The following EDIL3 variants were observed in gnomAD, a reference collection of about 807,000 sequenced individuals.
EDIL3 encodes the protein EGF-like repeat and discoidin I-like domain-containing protein 3.
A neutral mutation model predicts 67.4 loss-of-function variants in EDIL3; 37 were observed. The ratio of observed to expected loss-of-function variants is 0.55; its 90% CI spans 0.42 to 0.72. The LOEUF (loss-of-function observed/expected upper bound fraction) is 0.72. Among genes scored for constraint, EDIL3 ranks in the 30% least tolerant of loss-of-function variants. EDIL3 has a pLI of 0.00. For synonymous variants in EDIL3, 195 were observed against 196.3 expected (o/e 0.99, Z 0.05); for missense variants, 527 against 586.3 (o/e 0.90, Z 1.04).
At chr5:84,044,115 T>C (rs1746179651) in intron 9 of EDIL3, among the ~76,000 whole-genome samples, 1 of 152,076 alleles carries the variant, frequency 6.6e-6, no homozygotes, top group South Asian at 2.1e-4. Flanking sequence ...TGTCCATGTG[T>C]TCTCATTGTT....
At chr5:84,175,363 A>G (rs1748884259) in intron 4 of EDIL3, among the ~76,000 whole-genome samples, 1 of 152,208 alleles carries the variant, frequency 6.6e-6, no homozygotes, top group African/African-American at 2.4e-5. Context: ...CTAAAAAATT[A>G]TAATTGTTTT....
At chr5:84,246,026 A>T (rs1744903891) in intron 2 of EDIL3, among the ~76,000 whole-genome samples, 1 of 152,190 alleles carries the variant, frequency 6.6e-6, no homozygotes. Context: ...GGATTTGTGT[A>T]ATCATGGCCA....
intron 9 of EDIL3, among the ~76,000 whole-genome samples, chr5:84,035,490 T>C (rs1746006205): frequency 6.6e-6 from 1 of 152,200 alleles, no homozygotes; most frequent in African/African-American, 2.4e-5. Flanking sequence ...GTTATGTGAA[T>C]ATTTCTTGAA....
intron 9 of EDIL3, among the ~76,000 whole-genome samples, chr5:84,019,108 C>A (rs151267425): frequency 1.3e-5 from 2 of 152,076 alleles, no homozygotes; most frequent in African/African-American, 2.4e-5. Flanking sequence ...ATGTTTATTG[C>A]GGCACTATTC....
chr5:84,384,293 G>A lies in EDIL3; in HGVS notation c.67+15C>T, dbSNP rs762698251. 1 of 1,605,336 alleles carries A rather than the reference G, an allele frequency of 6.2e-7. No homozygotes were observed. The highest frequency in any genetic ancestry group is 8.5e-7 in the Non-Finnish European group (1 of 1,175,904). Reference sequence around the variant, plus strand: ...GCCCATCCCTCACCCAGCTGTCCGGGTCCCGACGCCTTACCTTTGCCGAAC... The same window carrying A: ...GCCCATCCCTCACCCAGCTGTCCGGATCCCGACGCCTTACCTTTGCCGAAC... On this transcript the variant is annotated intron_variant, in intron 1 of 10. Transcript: ENST00000296591.
At chr5:84,195,299 A>G (rs1743683452) in intron 3 of EDIL3, among the ~76,000 whole-genome samples, 3 of 151,992 alleles carry the variant, frequency 2.0e-5, no homozygotes, top group South Asian at 4.1e-4. Flanking sequence ...GGAAGTTACT[A>G]TAAATATTAG....
At chr5:84,171,583 T>C (rs556676167) in intron 4 of EDIL3, among the ~76,000 whole-genome samples, 42 of 152,330 alleles carry the variant, frequency 2.8e-4, no homozygotes, top group Admixed American at 1.2e-3. Context: ...GGGTTCTTGT[T>C]ATAAGACAAT....
chr5:84,278,940 A>G (rs1745640662), intron 1 of EDIL3, among the ~76,000 whole-genome samples: 1 of 152,158 alleles, frequency 6.6e-6, no homozygotes, highest in Non-Finnish European at 1.5e-5. Context: ...TAGGAGCCAT[A>G]TCAATATTTT....
chr5:84,212,920 T>A (rs1278483111), intron 3 of EDIL3, among the ~76,000 whole-genome samples: 2 of 151,980 alleles, frequency 1.3e-5, no homozygotes, highest in Non-Finnish European at 2.9e-5. Flanking sequence ...AATTAATAGT[T>A]TTAACTCTTA....
intron 1 of EDIL3, among the ~76,000 whole-genome samples, chr5:84,324,157 T>C (rs916882711): frequency 1.3e-5 from 2 of 151,864 alleles, no homozygotes; most frequent in Non-Finnish European, 1.5e-5. Context: ...GGATAGACCA[T>C]ATGCTAAGAC....
intron 4 of EDIL3, among the ~76,000 whole-genome samples, chr5:84,158,500 A>C (rs528143987): frequency 6.6e-5 from 10 of 152,054 alleles, no homozygotes; most frequent in Admixed American, 5.9e-4. Flanking sequence ...AAGAGCATTC[A>C]GAACATCAGC....
intron 1 of EDIL3, among the ~76,000 whole-genome samples, chr5:84,345,360 C>A (rs563230477): frequency 1.5e-4 from 23 of 152,160 alleles, no homozygotes; most frequent in African/African-American, 5.5e-4. Flanking sequence ...ACTCATTACC[C>A]TTAAATTAGT....
chr5:84,218,158 C>A (rs951657663), intron 3 of EDIL3, among the ~76,000 whole-genome samples: 19 of 152,058 alleles, frequency 1.2e-4, no homozygotes, highest in African/African-American at 4.6e-4. Context: ...TTCCCCCAAG[C>A]TTAAAAATGT....
intron 9 of EDIL3, among the ~76,000 whole-genome samples, chr5:84,026,551 C>T (rs999048589): frequency 4.0e-5 from 6 of 151,882 alleles, no homozygotes; most frequent in African/African-American, 1.2e-4. Context: ...GTTCAATTTT[C>T]TTGGATTAAA....
intron 4 of EDIL3, among the ~76,000 whole-genome samples, chr5:84,176,181 AATATATATATATATATAATAT>A (rs1345276164): frequency 2.3e-5 from 2 of 86,466 alleles, no homozygotes; most frequent in Non-Finnish European, 4.1e-5. Flanking sequence ...AGTGGTAAAA[AATATATATATATATATAATAT>A]ATATATATAT....
At chr5:84,030,854 G>C (rs1162863516) in intron 9 of EDIL3, among the ~76,000 whole-genome samples, 1 of 152,120 alleles carries the variant, frequency 6.6e-6, no homozygotes, top group African/African-American at 2.4e-5. Flanking sequence ...TGCTTGACTA[G>C]AGTCAGTCAT....
At chr5:84,253,290 T>G (rs1186882277) in intron 2 of EDIL3, among the ~76,000 whole-genome samples, 1 of 152,204 alleles carries the variant, frequency 6.6e-6, no homozygotes, top group Non-Finnish European at 1.5e-5. Context: ...AACAGATATA[T>G]TCCATCTTGT....
At chr5:84,217,436 T>C (rs986807300) in intron 3 of EDIL3, among the ~76,000 whole-genome samples, 4 of 152,176 alleles carry the variant, frequency 2.6e-5, no homozygotes, top group Admixed American at 2.6e-4. Flanking sequence ...AGTATAGATA[T>C]TGCTGTGAAC....
intron 1 of EDIL3, among the ~76,000 whole-genome samples, chr5:84,321,051 G>C (rs1459079620): frequency 6.6e-6 from 1 of 152,066 alleles, no homozygotes; most frequent in African/African-American, 2.4e-5. Flanking sequence ...ATTGTGATCT[G>C]ATTTTCAAAG....
Sources: gnomAD v4.1 joint callset for allele counts (sites outside exome capture counted in the v4.1 genomes callset) on GRCh38, gnomAD v4.1.1 for gene constraint, MANE v1.5 for transcripts, NCBI Gene and HGNC (gene_info 2026-07-23, HGNC 2026-07-21) for gene names.